Variants in OSBP2 observed in about 807,000 individuals in gnomAD.
The protein encoded by OSBP2 is oxysterol binding protein 2.
In OSBP2, 66 loss-of-function variants were observed where a neutral mutation model predicts 96.0. The observed-to-expected ratio is 0.69, with a 90% confidence interval of 0.56 to 0.84. OSBP2 has a LOEUF of 0.84. Among genes scored for constraint, OSBP2 ranks in the 40% least tolerant of loss-of-function variants. The probability of loss-of-function intolerance (pLI) is 0.00; values close to 1 mark genes in which losing one functional copy is unlikely to be tolerated. For synonymous variants in OSBP2, 525 were observed against 520.9 expected, an observed-to-expected ratio of 1.01 and a Z score of -0.11; for missense variants, 1,038 against 1,222.7, an observed-to-expected ratio of 0.85 and a Z score of 2.25.
chr22:30,876,600 C>T (rs900746193), intron 3 of OSBP2, among the ~76,000 whole-genome samples: 2 of 152,230 alleles, frequency 1.3e-5, no homozygotes, highest in Admixed American at 6.5e-5. Flanking sequence ...TCCCTGGTTG[C>T]GTCTTCCTGC....
intron 2 of OSBP2, among the ~76,000 whole-genome samples, chr22:30,746,536 C>T (rs1207438707): frequency 2.6e-5 from 3 of 117,418 alleles, no homozygotes; most frequent in African/African-American, 3.4e-5. Flanking sequence ...GTTGCCTAAA[C>T]TGGAGTGCAG....
chr22:30,719,075 G>T (rs1050692709), intron 1 of OSBP2, among the ~76,000 whole-genome samples: 1 of 152,102 alleles, frequency 6.6e-6, no homozygotes, highest in African/African-American at 2.4e-5. Context: ...TTCTAGAGAC[G>T]GGATTAGAGT....
chr22:30,810,475 A>G (rs949984112), intron 2 of OSBP2, among the ~76,000 whole-genome samples: 1 of 152,130 alleles, frequency 6.6e-6, no homozygotes, highest in Non-Finnish European at 1.5e-5. Flanking sequence ...GTGAGTGCAG[A>G]TGCATGCCTG....
chr22:30,854,413 A>T (rs1476030723), intron 2 of OSBP2, among the ~76,000 whole-genome samples: 2 of 146,090 alleles, frequency 1.4e-5, no homozygotes, highest in Non-Finnish European at 3.0e-5. Flanking sequence ...GGTTCAAGTG[A>T]TTCTCCTGCC....
chr22:30,783,451 A>AT (rs2090547279), intron 2 of OSBP2, among the ~76,000 whole-genome samples: 1 of 151,408 alleles, frequency 6.6e-6, no homozygotes, highest in Non-Finnish European at 1.5e-5. Flanking sequence ...AGTCCCAAGT[A>AT]GCTGGGACTA....
At position 30,870,054 on chromosome 22, in the gene OSBP2, A is replaced by C. The variant is rs2039426320; in HGVS notation, c.854-375A>C. 6.6e-6 allele frequency among the ~76,000 whole-genome samples: 1 copy of C among 152,202 alleles called. No homozygotes were observed. Among genetic ancestry groups the C allele is most frequent in the Non-Finnish European group, 1.5e-5 (1 of 68,020 alleles). On this transcript the variant is annotated intron_variant, in intron 2 of 13. Coordinates refer to ENST00000332585, the MANE Select transcript of OSBP2 (RefSeq NM_030758.4). This position sits in a 1 kb window ranked among gnomAD's most constrained non-coding sequence, Gnocchi z 4.1. Reference sequence around the variant, plus strand: ...CTGGGGGCCTCTGTGCCCAGAGAGCAGTCTCCACCTCTCCACCCAGCAGAG... The same window carrying C: ...CTGGGGGCCTCTGTGCCCAGAGAGCCGTCTCCACCTCTCCACCCAGCAGAG...
chr22:30,894,073 G>T, intron 12 of OSBP2, 72 bp downstream of exon 12: 1 of 1,382,536 alleles, frequency 7.2e-7, no homozygotes. Flanking sequence ...GAAAGCAACT[G>T]ACAGGCACAG....
At chr22:30,866,508 G>C (rs2039342328) in intron 2 of OSBP2, among the ~76,000 whole-genome samples, 1 of 152,204 alleles carries the variant, frequency 6.6e-6, no homozygotes, top group Admixed American at 6.5e-5. Flanking sequence ...GGGAGGCCAA[G>C]GCAGGCGGAT....
intron 2 of OSBP2, among the ~76,000 whole-genome samples, chr22:30,782,483 C>T (rs1045522108): frequency 2.0e-5 from 3 of 152,172 alleles, no homozygotes; most frequent in Non-Finnish European, 2.9e-5. Flanking sequence ...CCACTGCGCC[C>T]GGCTGCATTT....
intron 5 of OSBP2, 94 bp from the exon 6 acceptor site, chr22:30,889,083 C>G: frequency 9.5e-7 from 1 of 1,057,630 alleles, no homozygotes; most frequent in Non-Finnish European, 1.4e-6. Context: ...CATTTACTAG[C>G]AATGAAAATG....
intron 2 of OSBP2, among the ~76,000 whole-genome samples, chr22:30,860,286 G>A (rs1172925651): frequency 6.6e-6 from 1 of 152,168 alleles, no homozygotes; most frequent in Admixed American, 6.5e-5. Flanking sequence ...AGGCAGATGG[G>A]TGGGTTGGGG....
At chr22:30,694,117 A>T (rs1336255398), upstream of OSBP2, 1 of 1,543,190 alleles carries the variant, frequency 6.5e-7, no homozygotes, top group South Asian at 1.2e-5. Context: ...CTACCCAGGG[A>T]TCCCGGGAGG....
chr22:30,779,106 G>T (rs1345977143), intron 2 of OSBP2, among the ~76,000 whole-genome samples: 1 of 150,888 alleles, frequency 6.6e-6, no homozygotes, highest in African/African-American at 2.4e-5. Flanking sequence ...GATAGATACA[G>T]AATTTCGCTT....
Position 30,781,889 on chromosome 22 carries a change from A to G in OSBP2, c.853+40520A>G, listed in dbSNP as rs116958998. Among the ~76,000 whole-genome samples the G allele has an allele frequency of 6.9e-3, 1,050 of 152,334 alleles. 5 individuals are homozygous for G. The highest frequency in any genetic ancestry group is 0.012 in the Non-Finnish European group (789 of 68,018). The stretch of plus-strand genomic sequence containing the variant: ...AGACTCGGCACAGTGGCTCATGCCC[A>G]TAATCCCAGCACTTTGGGAGGCCGA... On this transcript the variant is annotated intron_variant, in intron 2 of 13. Transcript: ENST00000332585.
chr22:30,902,134 A>AC, intron 12 of OSBP2: 1 of 198,214 alleles, frequency 5.0e-6, no homozygotes, highest in Admixed American at 6.0e-5. Flanking sequence ...ACGAAAAAAA[A>AC]AAAACCAAAA....
intron 2 of OSBP2, among the ~76,000 whole-genome samples, chr22:30,792,890 A>C (rs1173532586): frequency 2.6e-5 from 4 of 152,254 alleles, no homozygotes; most frequent in African/African-American, 9.6e-5. Context: ...ATGTGTGCCT[A>C]CTGTGTGCCT....
intron 2 of OSBP2, among the ~76,000 whole-genome samples, chr22:30,782,334 A>T (rs2145809895): frequency 6.6e-6 from 1 of 152,112 alleles, no homozygotes; most frequent in African/African-American, 2.4e-5. Context: ...GACAACCACT[A>T]ATCTACTTTC....
chr22:30,743,177 G>T (rs1383323089), intron 2 of OSBP2, among the ~76,000 whole-genome samples: 1 of 152,208 alleles, frequency 6.6e-6, no homozygotes, highest in Non-Finnish European at 1.5e-5. Flanking sequence ...GACTGGGTGG[G>T]GAGATGGTGA....
intron 2 of OSBP2, among the ~76,000 whole-genome samples, chr22:30,834,481 C>CT (rs1297474326): frequency 6.6e-6 from 1 of 152,168 alleles, no homozygotes; most frequent in Non-Finnish European, 1.5e-5. Flanking sequence ...TCCAGTTCCT[C>CT]TAAATCCTTG....
Sources: gnomAD v4.1 joint callset for allele counts (sites outside exome capture counted in the v4.1 genomes callset) on GRCh38, gnomAD v4.1.1 for gene constraint, Gnocchi (gnomAD v3.1) non-coding constraint, MANE v1.5 for transcripts, NCBI Gene and HGNC (gene_info 2026-07-23, HGNC 2026-07-21) for gene names.